Variants in GABRG1 observed in about 807,000 individuals in gnomAD.
GABRG1 encodes the protein gamma-aminobutyric acid receptor subunit gamma-1.
In GABRG1, 49 loss-of-function variants were observed where a neutral mutation model predicts 49.8. That is an observed-to-expected ratio of 0.98 (90% confidence interval 0.78 to 1.25). GABRG1 has a LOEUF of 1.25. GABRG1 is among the 50% of genes most tolerant of loss of function. The pLI, the probability that GABRG1 is intolerant of heterozygous loss-of-function variation, is 0.00. For missense variants in GABRG1, 552 were observed against 552.3 expected, an observed-to-expected ratio of 1.00 and a Z score of 0.01; for synonymous variants, 232 against 185.1, an observed-to-expected ratio of 1.25 and a Z score of -2.06.
intron 2 of GABRG1, among the ~76,000 whole-genome samples, chr4:46,096,661 G>T (rs1027636087): frequency 1.3e-5 from 2 of 151,426 alleles, no homozygotes; most frequent in South Asian, 4.1e-4. Flanking sequence ...GGGAAAGAAA[G>T]AACCCTAGCA....
chr4:46,108,217 G>A (rs1720615666), intron 1 of GABRG1, among the ~76,000 whole-genome samples: 2 of 151,142 alleles, frequency 1.3e-5, no homozygotes, highest in East Asian at 2.0e-4. Flanking sequence ...CTCTTTTCAT[G>A]CACATTTCTT....
At chr4:46,065,791 C>T (rs943135230) in intron 3 of GABRG1, among the ~76,000 whole-genome samples, 4 of 152,062 alleles carry the variant, frequency 2.6e-5, no homozygotes, top group Admixed American at 6.5e-5. Context: ...GATGCAATCT[C>T]GGCTCACCGC....
chr4:46,068,672 C>G (rs1027897751), intron 3 of GABRG1, among the ~76,000 whole-genome samples: 1 of 151,936 alleles, frequency 6.6e-6, no homozygotes, highest in Non-Finnish European at 1.5e-5. Context: ...AAATGCCTCA[C>G]TGAAATAAGA....
At chr4:46,086,552 G>C (rs1719761753) in intron 2 of GABRG1, among the ~76,000 whole-genome samples, 1 of 151,362 alleles carries the variant, frequency 6.6e-6, no homozygotes. Flanking sequence ...CTCTAATCCT[G>C]GAGAGTTTTA....
At chr4:46,108,440 G>A (rs908152607) in intron 1 of GABRG1, among the ~76,000 whole-genome samples, 1 of 151,072 alleles carries the variant, frequency 6.6e-6, no homozygotes, top group African/African-American at 2.4e-5. Context: ...AGTCAAGTAG[G>A]AGCAAAATGT....
At chr4:46,090,845 G>A (rs1013512675) in intron 2 of GABRG1, among the ~76,000 whole-genome samples, 1 of 151,756 alleles carries the variant, frequency 6.6e-6, no homozygotes, top group African/African-American at 2.4e-5. Context: ...ACAGAACAGA[G>A]CAGCTTAGAG....
chr4:46,119,391 G>T (rs910502991), intron 1 of GABRG1, among the ~76,000 whole-genome samples: 1 of 151,254 alleles, frequency 6.6e-6, no homozygotes, highest in East Asian at 1.9e-4. Context: ...TGCAGGCAGG[G>T]GTATAGAACA....
intron 5 of GABRG1, among the ~76,000 whole-genome samples, chr4:46,061,454 C>T (rs1201289503): frequency 6.6e-6 from 1 of 151,862 alleles, no homozygotes; most frequent in Non-Finnish European, 1.5e-5. Flanking sequence ...TCTGTGAAAA[C>T]AATAAATTTC....
intron 2 of GABRG1, among the ~76,000 whole-genome samples, chr4:46,088,738 T>TACACACACACAC (rs3069480): frequency 1.4e-5 from 2 of 142,810 alleles, no homozygotes; most frequent in Non-Finnish European, 3.1e-5. Flanking sequence ...CACTATAAAA[T>TACACACACACAC]ACACACACAC....
Position 46,064,453 on chromosome 4 carries a change from C to A in GABRG1, c.613G>T (p.Glu205Ter). ...FPMDEHSCPL[E>*]FSSYGYPKNE... ...TTTTGTTACTTACAGCTTGAAAATT[C>A]CAGTGGACAGGAATGTTCATCCATG... Residue 205 changes from glutamate (E) to a stop codon, truncating the protein, a stop_gained, in exon 5 of 9, where the codon GAA becomes TAA. Transcript: ENST00000295452. LOFTEE classifies it high-confidence loss of function. 6.6e-7 allele frequency: 1 copy of A among 1,520,696 alleles called. No individual in the cohort carries two copies. The highest frequency in any genetic ancestry group is 1.3e-5 in the South Asian group (1 of 75,046). 94.2% of individuals were successfully genotyped at this position (1,520,696 alleles called of 1,614,324 possible).
At chr4:46,070,904 A>G (rs1560358408) in intron 3 of GABRG1, among the ~76,000 whole-genome samples, 1 of 152,048 alleles carries the variant, frequency 6.6e-6, no homozygotes, top group Non-Finnish European at 1.5e-5. Context: ...TACTGATTTC[A>G]ATGTGAATCA....
At chr4:46,089,887 C>T (rs947996049) in intron 2 of GABRG1, among the ~76,000 whole-genome samples, 1 of 151,898 alleles carries the variant, frequency 6.6e-6, no homozygotes, top group Non-Finnish European at 1.5e-5. Flanking sequence ...CAGCTAAGCC[C>T]CAGGAGGTTG....
intron 1 of GABRG1, among the ~76,000 whole-genome samples, chr4:46,112,892 C>G (rs1720767207): frequency 6.6e-6 from 1 of 150,642 alleles, no homozygotes; most frequent in Non-Finnish European, 1.5e-5. Flanking sequence ...GGAATATACA[C>G]AGGTAAAAAA....
In GABRG1 at chr4:46,058,224, T is replaced by C; in HGVS notation, c.909A>G (p.Thr303=). ...TAATATTACATGTCATACCCAACGA[T>C]GTTCTTGCAGGCACTGCATCTTTAT... The part of the protein sequence containing the change: ...WINKDAVPAR[T]SLGITTVLTM... The change falls in exon 7 of 9, where the codon ACA becomes ACG. Residue 303 remains threonine (T), a synonymous_variant. Coordinates refer to ENST00000295452, the MANE Select transcript of GABRG1 (RefSeq NM_173536.4). 6.2e-7 allele frequency: 1 copy of C among 1,610,856 alleles called. No individual in the cohort carries two copies. Among genetic ancestry groups the C allele is most frequent in the Non-Finnish European group, 8.5e-7 (1 of 1,178,796 alleles).
rs1225373271 is a variant in GABRG1, at chr4:46,036,346, G to A, written c.*4642C>T. 1 of 151,562 alleles carries A rather than the reference G, an allele frequency of 6.6e-6. No homozygotes were observed. Among genetic ancestry groups the A allele is most frequent in the East Asian group, 1.9e-4 (1 of 5,180 alleles). The allele number at this position is 151,562 out of a possible 1,614,324, so 9.4% of individuals were successfully genotyped here. ...TGTCTCAGTTAGAAAACTGGAAATG[G>A]TTATTTGAATAGAAAACTCTTTTAG... On this transcript the variant is annotated 3_prime_UTR_variant, in exon 9 of 9. Coordinates refer to ENST00000295452, the MANE Select transcript of GABRG1 (RefSeq NM_173536.4).
At chr4:46,071,109 T>A (rs566186214) in intron 3 of GABRG1, among the ~76,000 whole-genome samples, 1 of 152,134 alleles carries the variant, frequency 6.6e-6, no homozygotes, top group South Asian at 2.1e-4. Context: ...CTTACGTCTT[T>A]CTGGTGATGC....
intron 8 of GABRG1, among the ~76,000 whole-genome samples, chr4:46,044,001 T>G (rs778902828): frequency 9.9e-5 from 15 of 152,062 alleles, no homozygotes; most frequent in Non-Finnish European, 8.8e-5. Flanking sequence ...GTAATATGAA[T>G]GGTAAATATT....
chr4:46,074,803 T>C (rs1454550793), intron 3 of GABRG1, among the ~76,000 whole-genome samples: 1 of 152,072 alleles, frequency 6.6e-6, no homozygotes, highest in Non-Finnish European at 1.5e-5. Flanking sequence ...TAATTTTAAA[T>C]ACTTTCCAGA....
At chr4:46,112,468 G>A (rs1449313176) in intron 1 of GABRG1, among the ~76,000 whole-genome samples, 4 of 151,336 alleles carry the variant, frequency 2.6e-5, no homozygotes, top group Non-Finnish European at 1.5e-5. Flanking sequence ...ATTCAACCCA[G>A]CAATCCCATT....
Sources: gnomAD v4.1 joint callset for allele counts (sites outside exome capture counted in the v4.1 genomes callset) on GRCh38, gnomAD v4.1.1 for gene constraint, MANE v1.5 for transcripts, NCBI Gene and HGNC (gene_info 2026-07-23, HGNC 2026-07-21) for gene names.